GCKR: variants seen among roughly 807,000 people sequenced by gnomAD.
GCKR encodes glucokinase regulatory protein.
A neutral mutation model predicts 82.9 loss-of-function variants in GCKR; 73 were observed. The observed-to-expected ratio is 0.88, with a 90% confidence interval of 0.73 to 1.07. GCKR has a LOEUF of 1.07. Ranked by LOEUF, GCKR falls within the 50% of genes least tolerant of loss-of-function variation. GCKR has a pLI of 0.00. For synonymous variants in GCKR, 294 were observed against 291.8 expected (o/e 1.01, Z -0.08); for missense variants, 784 against 782.1 (o/e 1.00, Z -0.03).
At chr2:27,511,451 CT>C (rs1225482389) in intron 16 of GCKR, among the ~76,000 whole-genome samples, 1 of 151,824 alleles carries the variant, frequency 6.6e-6, no homozygotes, top group African/African-American at 2.4e-5. Context: ...AATCCCAGCA[CT>C]TTGGGATGCC....
At position 27,498,735 on chromosome 2, in the gene GCKR, T is replaced by G; in HGVS notation, c.366T>G (p.Asn122Lys). Residue 122 changes from asparagine (N) to lysine (K), a missense_variant, in exon 5 of 19, where the codon AAT (asparagine) becomes AAG (lysine). By Grantham distance (94) the Asn-to-Lys change is moderately conservative. Transcript: ENST00000264717. ...RMAFLMSVSF[N>K]QLMKGLGQKP... Reference sequence around the variant, plus strand: ...TCCCTGCTTGACAGGTGTCCTTTAATCAGCTGATGAAAGGTCTGGGACAGA... The same window carrying G: ...TCCCTGCTTGACAGGTGTCCTTTAAGCAGCTGATGAAAGGTCTGGGACAGA... The G allele has an allele frequency of 1.2e-6, 2 of 1,601,074 alleles. No individual in the cohort carries two copies. Among genetic ancestry groups the G allele is most frequent in the Admixed American group, 3.3e-5 (2 of 60,012 alleles).
chr2:27,506,079 T>C (rs920653488), intron 10 of GCKR, among the ~76,000 whole-genome samples: 1 of 152,160 alleles, frequency 6.6e-6, no homozygotes, highest in African/African-American at 2.4e-5. Flanking sequence ...TGAGCCTGCC[T>C]GGGGCCTCCA....
rs201268198 is a variant in GCKR at position 27,498,815 on chromosome 2, A to G, written c.428+18A>G. On this transcript the variant is annotated intron_variant, in intron 5 of 18. Transcript: ENST00000264717. The stretch of plus-strand genomic sequence containing the variant: ...GGTGACAGGTAAGCCAAGTTAGCCT[A>G]TGAATATTTTGTTTGACCTAAATAG... The G allele has an allele frequency of 6.8e-6, 10 of 1,475,168 alleles. No homozygotes were observed. Among genetic ancestry groups the G allele is most frequent in the African/African-American group, 1.4e-5 (1 of 72,244 alleles). The allele number at this position is 1,475,168 out of a possible 1,614,324, so 91.4% of individuals were successfully genotyped here.
chr2:27,507,415 C>T (rs563992487), intron 13 of GCKR, 104 bp downstream of exon 13: 34 of 815,664 alleles, frequency 4.2e-5, no homozygotes, highest in African/African-American at 1.8e-4. Flanking sequence ...TTGGAATAGA[C>T]GGTCCAGAGA....
chr2:27,498,405 C>T, intron 4 of GCKR, 82 bp downstream of exon 4: 1 of 1,098,660 alleles, frequency 9.1e-7, no homozygotes, highest in Non-Finnish European at 1.4e-6. Flanking sequence ...CATAACTAAG[C>T]TCCCAGGTGG....
At chr2:27,508,635 C>G (rs1165552881) in intron 16 of GCKR, among the ~76,000 whole-genome samples, 1 of 152,082 alleles carries the variant, frequency 6.6e-6, no homozygotes, top group African/African-American at 2.4e-5. Flanking sequence ...ATTCTCGTGC[C>G]TCAAGTAGCT....
rs753901269 is a variant in GCKR, at chr2:27,497,228, C to A, written c.61-16C>A. On this transcript the variant is annotated splice_polypyrimidine_tract_variant and intron_variant, in intron 1 of 18. Transcript: ENST00000264717. ...CTTTGGCTTCCTGCTCCATCCTTGT[C>A]CCCTCTTCCTTCTAGTTGTCTGGGT... The A allele has an allele frequency of 1.5e-5, 25 of 1,614,048 alleles. No homozygotes were observed. Among genetic ancestry groups the A allele is most frequent in the Non-Finnish European group, 2.1e-5 (25 of 1,180,000 alleles).
At chr2:27,520,722 T>C (rs1670130131) in intron 17 of GCKR, among the ~76,000 whole-genome samples, 1 of 152,172 alleles carries the variant, frequency 6.6e-6, no homozygotes, top group South Asian at 2.1e-4. Flanking sequence ...CTTTTTAGCA[T>C]TGCAAATCTA....
chr2:27,505,574 C>A, intron 9 of GCKR, 144 bp from the exon 10 acceptor site: 1 of 693,514 alleles, frequency 1.4e-6, no homozygotes, highest in Non-Finnish European at 2.7e-6. Context: ...ATCTTCCTCT[C>A]GGTCAAGCCC....
chr2:27,512,544 A>T (rs1379951875), intron 16 of GCKR, among the ~76,000 whole-genome samples: 1 of 152,088 alleles, frequency 6.6e-6, no homozygotes, highest in Non-Finnish European at 1.5e-5. Context: ...CAAAAAAAAA[A>T]AAAAAAGAAG....
rs991127954 is a variant in GCKR at position 27,518,839 on chromosome 2, G to A, written c.1474G>A (p.Gly492Ser). 4.3e-6 allele frequency: 7 copies of A among 1,610,586 alleles called. No individual in the cohort carries two copies. In the African/African-American group the frequency reaches 8.0e-5, roughly 18 times the overall value. The change falls in exon 17 of 19, where the codon GGT becomes AGT. Residue 492 changes from glycine (G) to serine (S), a missense_variant. By Grantham distance (56) the Gly-to-Ser change is moderately conservative. Coordinates refer to ENST00000264717, the MANE Select transcript of GCKR (RefSeq NM_001486.4). ...TKWVLNTVSTGAHVLLGKILQ... is the reference protein window; with the variant it reads ...TKWVLNTVSTSAHVLLGKILQ... ...ATGGGTGCTGAATACAGTGAGTACA[G>A]GTGCTCATGTGCTTCTTGGTAAGAT...
intron 1 of GCKR, 105 bp downstream of exon 1, chr2:27,497,069 A>T: frequency 8.2e-7 from 1 of 1,222,580 alleles, no homozygotes; most frequent in Non-Finnish European, 1.2e-6. Context: ...TTCCTTCCTG[A>T]TGTTCTTTCC....
chr2:27,499,775 T>G (rs1203394198), intron 7 of GCKR, among the ~76,000 whole-genome samples: 1 of 152,236 alleles, frequency 6.6e-6, no homozygotes, highest in Non-Finnish European at 1.5e-5. Context: ...TGTTTGTTTT[T>G]GAGATGGAGT....
At chr2:27,510,012 ATT>A (rs202008817) in intron 16 of GCKR, among the ~76,000 whole-genome samples, 5 of 142,248 alleles carry the variant, frequency 3.5e-5, no homozygotes, top group East Asian at 2.0e-4. Context: ...CACTACTATC[ATT>A]TTTTTTTTTT....
At chr2:27,497,803 C>G (rs1312610044) in intron 3 of GCKR, among the ~76,000 whole-genome samples, 173 bp downstream of exon 3, 1 of 152,178 alleles carries the variant, frequency 6.6e-6, no homozygotes, top group Admixed American at 6.5e-5. Flanking sequence ...AACTTCTCTG[C>G]TTAATACTTT....
chr2:27,508,204 A>C lies in GCKR; in HGVS notation c.1375A>C (p.Ile459Leu), dbSNP rs1288520769. Residue 459 changes from isoleucine (I) to leucine (L), a missense_variant, in exon 16 of 19, where the codon ATC becomes CTC. Ile to Leu is a conservative substitution (Grantham distance 5). Coordinates refer to ENST00000264717, the MANE Select transcript of GCKR (RefSeq NM_001486.4). ...GAAGCTCTTTCCCTCCATCATCAGC[A>C]TCACATGGCCACTGCTTTTCTTTGA... ...LKKLFPSIIS[I>L]TWPLLFFEYE... 2.5e-6 allele frequency: 4 copies of C among 1,612,634 alleles called. No homozygotes were observed. The highest frequency in any genetic ancestry group is 3.4e-6 in the Non-Finnish European group (4 of 1,178,712).
chr2:27,506,721 TTCTGTGGACATC>T (rs1224571826), intron 11 of GCKR, 55 bp from the exon 12 acceptor site: 18 of 1,138,794 alleles, frequency 1.6e-5, no homozygotes, highest in Non-Finnish European at 2.4e-5. Context: ...TCCTGTGTTC[TTCTGTGGACATC>T]TCTGGCCTCT....
chr2:27,501,265 A>G (rs2148580620), intron 8 of GCKR, 36 bp downstream of exon 8: 2 of 1,332,856 alleles, frequency 1.5e-6, no homozygotes, highest in East Asian at 2.3e-5. Flanking sequence ...GCCCTGGGGC[A>G]GGCTGGAGGG....
intron 16 of GCKR, among the ~76,000 whole-genome samples, chr2:27,517,006 T>C (rs1401932958): frequency 1.4e-5 from 2 of 141,724 alleles, no homozygotes; most frequent in Non-Finnish European, 3.0e-5. Context: ...ACCACGTGTA[T>C]TAGTACCTTT....
Sources: allele counts gnomAD v4.1 joint callset (sites outside exome capture counted in the v4.1 genomes callset), GRCh38; gene constraint gnomAD v4.1.1; transcripts MANE v1.5; gene names NCBI Gene and HGNC (gene_info 2026-07-23, HGNC 2026-07-21).